PRELID2: variants seen among roughly 807,000 people sequenced by gnomAD.
The protein encoded by PRELID2 is PRELI domain-containing protein 2.
In PRELID2, 25 loss-of-function variants were observed where a neutral mutation model predicts 28.4. The ratio of observed to expected loss-of-function variants is 0.88; its 90% CI spans 0.64 to 1.23. PRELID2 has a LOEUF of 1.23. Ranked by LOEUF, PRELID2 falls within the 50% of genes most tolerant of loss-of-function variation. PRELID2 has a pLI of 0.00. For synonymous variants in PRELID2, 76 were observed against 71.6 expected (o/e 1.06, Z -0.31); for missense variants, 201 against 214.4 (o/e 0.94, Z 0.39).
chr5:145,327,069 G>C, the PRELID2 span, among the ~76,000 whole-genome samples: 43,983 of 151,714 alleles, frequency 0.29, 6,663 homozygotes, highest in African/African-American at 0.37. Flanking sequence ...GCCTAAAATC[G>C]TAAAAATCAC....
chr5:145,425,070 G>A, the PRELID2 span, among the ~76,000 whole-genome samples: 3 of 150,054 alleles, frequency 2.0e-5, no homozygotes, highest in Non-Finnish European at 1.5e-5. Flanking sequence ...CAATGTACAA[G>A]AAAAAAAAAC....
chr5:145,744,294 T>C (rs891229003), intron 1 of PRELID2, among the ~76,000 whole-genome samples: 1 of 152,336 alleles, frequency 6.6e-6, no homozygotes, highest in South Asian at 2.1e-4. Context: ...CTGAGGAATC[T>C]GGGCAGACCA....
chr5:145,427,289 C>A, the PRELID2 span, among the ~76,000 whole-genome samples: 1 of 152,348 alleles, frequency 6.6e-6, no homozygotes, highest in African/African-American at 2.4e-5. Flanking sequence ...TTTCAGAGGT[C>A]TGGCTATGAA....
chr5:145,302,838 T>C, the PRELID2 span, among the ~76,000 whole-genome samples: 2 of 152,184 alleles, frequency 1.3e-5, no homozygotes, highest in Non-Finnish European at 2.9e-5. Context: ...AAGGTTCTAA[T>C]AGTAAGGTCA....
At chr5:145,801,857 G>A (rs894671209) in intron 4 of PRELID2, among the ~76,000 whole-genome samples, 9 of 152,066 alleles carry the variant, frequency 5.9e-5, no homozygotes, top group South Asian at 4.1e-4. Flanking sequence ...TGCTTATTTC[G>A]CTTGTAATGT....
At chr5:145,469,114 T>A (rs1752029461), downstream of PRELID2, among the ~76,000 whole-genome samples, 1 of 152,150 alleles carries the variant, frequency 6.6e-6, no homozygotes, top group Admixed American at 6.6e-5. Flanking sequence ...TGGGACTAAG[T>A]AGCAGCCCCT....
chr5:145,342,914 A>AC, the PRELID2 span, among the ~76,000 whole-genome samples: 2 of 151,438 alleles, frequency 1.3e-5, no homozygotes, highest in African/African-American at 4.8e-5. Context: ...AAAAAAAAAA[A>AC]AAAAGACAAA....
intron 1 of PRELID2, among the ~76,000 whole-genome samples, chr5:145,602,947 G>A (rs1753417567): frequency 1.3e-5 from 2 of 152,132 alleles, no homozygotes. Flanking sequence ...AGCTATTTGG[G>A]AGGCTGAGGC....
the PRELID2 span, among the ~76,000 whole-genome samples, chr5:145,415,653 G>C: frequency 6.6e-6 from 1 of 150,598 alleles, no homozygotes; most frequent in Non-Finnish European, 1.5e-5. Context: ...GTGTATATGT[G>C]CCACATTTTC....
the PRELID2 span, among the ~76,000 whole-genome samples, chr5:145,364,509 T>C: frequency 1.3e-5 from 2 of 152,030 alleles, no homozygotes; most frequent in Admixed American, 1.3e-4. Flanking sequence ...AACATTTGTT[T>C]TATCTACTCA....
At chr5:145,763,777 T>C (rs561660188) in intron 6 of PRELID2, among the ~76,000 whole-genome samples, 1 of 152,312 alleles carries the variant, frequency 6.6e-6, no homozygotes, top group South Asian at 2.1e-4. Flanking sequence ...AACTCTCAGA[T>C]GTTAAAAACC....
intron 1 of PRELID2, chr5:145,826,143 A>G (rs890472209): frequency 1.0e-6 from 1 of 985,338 alleles, no homozygotes; most frequent in Non-Finnish European, 1.2e-6. Flanking sequence ...GCAGGGTGCT[A>G]TCCTAGAGAA....
the PRELID2 span, chr5:145,229,223 C>T: frequency 1.6e-5 from 13 of 798,020 alleles, no homozygotes; most frequent in African/African-American, 2.0e-4. Context: ...CGCTGGCCCC[C>T]CAGATGAAGG....
the PRELID2 span, among the ~76,000 whole-genome samples, chr5:145,337,179 G>A: frequency 1.3e-5 from 2 of 151,316 alleles, no homozygotes; most frequent in African/African-American, 4.9e-5. Flanking sequence ...TAAAAACTAA[G>A]CTAAAAATAA....
At chr5:145,322,557 G>A in the PRELID2 span, among the ~76,000 whole-genome samples, 1 of 152,092 alleles carries the variant, frequency 6.6e-6, no homozygotes, top group Non-Finnish European at 1.5e-5. Flanking sequence ...CAAATGCTTG[G>A]TTCTCTGCCT....
At chr5:145,620,493 G>A (rs1350246092) in intron 1 of PRELID2, among the ~76,000 whole-genome samples, 2 of 152,156 alleles carry the variant, frequency 1.3e-5, no homozygotes, top group Admixed American at 6.5e-5. Context: ...ACGCATGTGA[G>A]GGAGCACTAG....
intron 4 of PRELID2, among the ~76,000 whole-genome samples, chr5:145,817,686 G>A (rs534925352): frequency 4.1e-4 from 62 of 152,058 alleles, no homozygotes; most frequent in Non-Finnish European, 7.2e-4. Context: ...AGGATTGGGG[G>A]AGATGGTGAG....
At chr5:145,427,209 T>C in the PRELID2 span, among the ~76,000 whole-genome samples, 1 of 152,244 alleles carries the variant, frequency 6.6e-6, no homozygotes, top group African/African-American at 2.4e-5. Context: ...CTGTGCAATA[T>C]TGTTTTGCAA....
At chr5:145,230,019 T>C in the PRELID2 span, 4 of 716,082 alleles carry the variant, frequency 5.6e-6, no homozygotes, top group Admixed American at 7.0e-5. Context: ...ACTGAAGGAA[T>C]ACCATTGTCT....
Sources: gnomAD v4.1 joint callset for allele counts (sites outside exome capture counted in the v4.1 genomes callset) on GRCh38, gnomAD v4.1.1 for gene constraint, MANE v1.5 for transcripts, NCBI Gene and HGNC (gene_info 2026-07-23, HGNC 2026-07-21) for gene names.